The following PCNX2 variants were observed in gnomAD, a reference collection of about 807,000 sequenced individuals.
PCNX2 encodes the protein pecanex 2.
Under a neutral mutation model 223.8 loss-of-function variants are expected in PCNX2, and 168 were observed. The observed-to-expected ratio is 0.75, with a 90% CI of 0.66 to 0.85. The LOEUF (loss-of-function observed/expected upper bound fraction) is 0.85. Among genes scored for constraint, PCNX2 ranks in the 40% least tolerant of loss-of-function variants. PCNX2 has a pLI of 0.00. For missense variants in PCNX2, 2,507 were observed against 2,675.5 expected (o/e 0.94, Z 1.39); for synonymous variants, 1,006 against 1,052.6 (o/e 0.96, Z 0.86).
At chr1:233,244,577 T>C (rs1332257546) in intron 8 of PCNX2, among the ~76,000 whole-genome samples, 1 of 151,974 alleles carries the variant, frequency 6.6e-6, no homozygotes, top group Admixed American at 6.6e-5. Context: ...CCAGGTGTGG[T>C]GGTGCATGCC....
chr1:233,134,939 T>C (rs1394376576), intron 21 of PCNX2, 74 bp downstream of exon 21: 1 of 1,285,480 alleles, frequency 7.8e-7, no homozygotes, highest in Non-Finnish European at 1.1e-6. Flanking sequence ...GAATAAGTTT[T>C]AAACTCTTAA....
At chr1:233,130,776 C>T (rs1393211517) in intron 21 of PCNX2, among the ~76,000 whole-genome samples, 1 of 151,776 alleles carries the variant, frequency 6.6e-6, no homozygotes, top group East Asian at 1.9e-4. Context: ...TGCCACTGTG[C>T]CCGGCACCCC....
chr1:233,323,508 C>A, the PCNX2 span, among the ~76,000 whole-genome samples: 5 of 152,230 alleles, frequency 3.3e-5, no homozygotes, highest in Admixed American at 6.5e-5. Flanking sequence ...TCTTTTCCAA[C>A]AGCATTTGCT....
rs534318464 is a variant in PCNX2, at chr1:233,213,295, C to T, written c.2691+4604G>A. ...AGAAATGGTCACAGCCAAAAGGAGC[C>T]TACAGAGACAAGACGGCTATTATAA... On this transcript the variant is annotated intron_variant, in intron 12 of 33. Transcript: ENST00000258229. 7.4e-4 allele frequency among the ~76,000 whole-genome samples: 112 copies of T among 152,110 alleles called. 1 individual carries two copies. In the South Asian group the frequency reaches 1.0e-2, roughly 14 times the overall value.
intron 26 of PCNX2, among the ~76,000 whole-genome samples, chr1:233,017,566 T>A (rs1474680233): frequency 1.3e-5 from 2 of 152,118 alleles, no homozygotes; most frequent in Non-Finnish European, 2.9e-5. Flanking sequence ...TCCGCCCGCC[T>A]TGGCCTCCCA....
chr1:233,141,533 G>A (rs770749277), intron 19 of PCNX2, among the ~76,000 whole-genome samples: 1 of 152,146 alleles, frequency 6.6e-6, no homozygotes, highest in Non-Finnish European at 1.5e-5. Context: ...GGGCATGGTG[G>A]CATGTGCCTG....
At chr1:233,277,610 G>C (rs889625298) in intron 1 of PCNX2, among the ~76,000 whole-genome samples, 3 of 152,286 alleles carry the variant, frequency 2.0e-5, no homozygotes, top group Non-Finnish European at 4.4e-5. Context: ...CAGGTAAGCT[G>C]TCCTATCTTG....
intron 25 of PCNX2, chr1:233,032,165 C>T (rs996619823): frequency 1.7e-5 from 12 of 703,812 alleles, no homozygotes; most frequent in Admixed American, 6.3e-5. Flanking sequence ...TGCAATGGCG[C>T]GATCTTGGCT....
At chr1:233,141,735 A>G (rs1404968938) in intron 19 of PCNX2, among the ~76,000 whole-genome samples, 8 of 25,724 alleles carry the variant, frequency 3.1e-4, no homozygotes, top group Admixed American at 1.2e-3. Context: ...GTAAATGTGT[A>G]TATATATATA....
At chr1:233,042,088 T>C (rs1671663710) in intron 25 of PCNX2, among the ~76,000 whole-genome samples, 1 of 152,184 alleles carries the variant, frequency 6.6e-6, no homozygotes, top group South Asian at 2.1e-4. Context: ...ATATTCCAAA[T>C]CAAAAAAATT....
chr1:233,123,311 G>A (rs1168999068), intron 21 of PCNX2, among the ~76,000 whole-genome samples: 1 of 152,158 alleles, frequency 6.6e-6, no homozygotes, highest in Non-Finnish European at 1.5e-5. Context: ...GCCGGGCGCG[G>A]TGGCTCACAC....
chr1:233,247,440 G>A (rs565669483), intron 8 of PCNX2, among the ~76,000 whole-genome samples: 1 of 152,314 alleles, frequency 6.6e-6, no homozygotes, highest in East Asian at 1.9e-4. Context: ...ACATGGCAAT[G>A]TGTCTTTCTT....
intron 15 of PCNX2, among the ~76,000 whole-genome samples, chr1:233,195,384 C>A (rs1305963235): frequency 6.6e-6 from 1 of 152,066 alleles, no homozygotes; most frequent in Non-Finnish European, 1.5e-5. Flanking sequence ...AGACTTTTCC[C>A]CTAAACTTGG....
At chr1:233,208,925 AT>A (rs1031855492) in intron 12 of PCNX2, among the ~76,000 whole-genome samples, 3 of 150,828 alleles carry the variant, frequency 2.0e-5, no homozygotes, top group East Asian at 1.9e-4. Context: ...CAAAAAAAAA[AT>A]GTTATGCCTA....
chr1:233,198,240 T>C (rs1304264090), intron 15 of PCNX2, among the ~76,000 whole-genome samples: 1 of 152,230 alleles, frequency 6.6e-6, no homozygotes, highest in African/African-American at 2.4e-5. Flanking sequence ...TATTTGCTGA[T>C]TTTCTAATAT....
chr1:233,268,033 T>A (rs1453086913), intron 1 of PCNX2, among the ~76,000 whole-genome samples: 1 of 152,170 alleles, frequency 6.6e-6, no homozygotes, highest in Non-Finnish European at 1.5e-5. Context: ...TGCCTCAGCC[T>A]CATGAGTAGC....
At chr1:233,215,355 A>C (rs919205655) in intron 12 of PCNX2, among the ~76,000 whole-genome samples, 15 of 152,230 alleles carry the variant, frequency 9.9e-5, no homozygotes, top group African/African-American at 3.6e-4. Flanking sequence ...TAAGCAAATT[A>C]ATTACTGCAA....
chr1:233,190,908 A>G (rs148200554), intron 15 of PCNX2, among the ~76,000 whole-genome samples: 81 of 152,342 alleles, frequency 5.3e-4, no homozygotes, highest in Admixed American at 9.8e-4. Flanking sequence ...GCTGACTGTA[A>G]TATCTCCTGG....
intron 21 of PCNX2, among the ~76,000 whole-genome samples, chr1:233,122,156 G>T (rs935097147): frequency 2.6e-5 from 4 of 151,668 alleles, no homozygotes; most frequent in Non-Finnish European, 4.4e-5. Flanking sequence ...TTATATCACA[G>T]AAGCTGCCAA....
Sources: allele counts gnomAD v4.1 joint callset (sites outside exome capture counted in the v4.1 genomes callset), GRCh38; gene constraint gnomAD v4.1.1; transcripts MANE v1.5; gene names NCBI Gene and HGNC (gene_info 2026-07-23, HGNC 2026-07-21).